KCNB2: variants seen among roughly 807,000 people sequenced by gnomAD.
KCNB2 encodes potassium voltage-gated channel subfamily B member 2.
Under a neutral mutation model 61.5 loss-of-function variants are expected in KCNB2, and 15 were observed. The observed-to-expected ratio is 0.24, with a 90% CI of 0.16 to 0.38. KCNB2 has a LOEUF of 0.38. KCNB2 is among the 10% of genes least tolerant of loss of function. KCNB2 has a pLI of 1.00. For synonymous variants in KCNB2, 457 were observed against 446.0 expected, an observed-to-expected ratio of 1.02 and a Z score of -0.31; for missense variants, 828 against 1,125.2, an observed-to-expected ratio of 0.74 and a Z score of 3.78.
chr8:72,741,262 TA>T (rs1326736551), intron 2 of KCNB2, among the ~76,000 whole-genome samples: 2 of 152,174 alleles, frequency 1.3e-5, no homozygotes, highest in Non-Finnish European at 2.9e-5. Flanking sequence ...ATGTTCCATG[TA>T]CCTTTGTACT....
chr8:72,700,935 A>T (rs1169755811), intron 2 of KCNB2, among the ~76,000 whole-genome samples: 1 of 152,222 alleles, frequency 6.6e-6, no homozygotes, highest in African/African-American at 2.4e-5. Flanking sequence ...TTGCAGCAAC[A>T]TATAGGTAGC....
chr8:72,819,065 T>C (rs1809449774), intron 2 of KCNB2, among the ~76,000 whole-genome samples: 1 of 152,168 alleles, frequency 6.6e-6, no homozygotes, highest in Admixed American at 6.5e-5. Context: ...CAGGCTGTGA[T>C]AGCAGGTAGG....
At chr8:72,672,368 ACAG>A (rs1196030642) in intron 2 of KCNB2, among the ~76,000 whole-genome samples, 1 of 152,156 alleles carries the variant, frequency 6.6e-6, no homozygotes, top group Non-Finnish European at 1.5e-5. Flanking sequence ...CATTTCCACT[ACAG>A]TTGCAGCAAA....
chr8:72,657,893 A>G (rs969078195), intron 2 of KCNB2, among the ~76,000 whole-genome samples: 1 of 152,178 alleles, frequency 6.6e-6, no homozygotes, highest in Non-Finnish European at 1.5e-5. Flanking sequence ...TCGCACCCAT[A>G]TAAGACAGAG....
At chr8:72,716,474 G>A (rs1157770943) in intron 2 of KCNB2, among the ~76,000 whole-genome samples, 1 of 152,160 alleles carries the variant, frequency 6.6e-6, no homozygotes, top group African/African-American at 2.4e-5. Flanking sequence ...ATGATCAAGT[G>A]GGCTTCATCC....
intron 2 of KCNB2, among the ~76,000 whole-genome samples, chr8:72,850,530 G>A (rs1217178126): frequency 2.6e-5 from 4 of 152,164 alleles, no homozygotes; most frequent in Admixed American, 1.3e-4. Context: ...CACCATTTAC[G>A]TTTAATAAAT....
chr8:72,821,553 T>G (rs775494592), intron 2 of KCNB2, among the ~76,000 whole-genome samples: 6 of 145,948 alleles, frequency 4.1e-5, no homozygotes, highest in Non-Finnish European at 7.4e-5. Flanking sequence ...AATATCATCA[T>G]AGAATTTGTT....
At chr8:72,631,197 C>T (rs1805875214) in intron 2 of KCNB2, among the ~76,000 whole-genome samples, 1 of 152,178 alleles carries the variant, frequency 6.6e-6, no homozygotes, top group South Asian at 2.1e-4. Context: ...GTAACTGAAA[C>T]CACAGCAAGT....
chr8:72,660,380 G>C (rs1806359105), intron 2 of KCNB2, among the ~76,000 whole-genome samples: 1 of 152,204 alleles, frequency 6.6e-6, no homozygotes, highest in Non-Finnish European at 1.5e-5. Flanking sequence ...CATCAGGGTG[G>C]CATCTGGTTC....
At chr8:72,597,811 G>A (rs770963399) in intron 2 of KCNB2, among the ~76,000 whole-genome samples, 11 of 152,088 alleles carry the variant, frequency 7.2e-5, no homozygotes, top group Non-Finnish European at 1.6e-4. Context: ...ACCCAAAAAT[G>A]CTAAAAAAGA....
At chr8:72,808,344 A>T (rs1227387076) in intron 2 of KCNB2, among the ~76,000 whole-genome samples, 1 of 152,246 alleles carries the variant, frequency 6.6e-6, no homozygotes, top group Non-Finnish European at 1.5e-5. Flanking sequence ...CTATTTCTAA[A>T]TAAAAGCTTT....
intron 2 of KCNB2, among the ~76,000 whole-genome samples, chr8:72,602,618 C>T (rs956034440): frequency 6.6e-6 from 1 of 152,068 alleles, no homozygotes; most frequent in Non-Finnish European, 1.5e-5. Context: ...AATGTAGTGG[C>T]TTCAGCAATA....
At chr8:72,660,167 G>A (rs1563551621) in intron 2 of KCNB2, among the ~76,000 whole-genome samples, 1 of 152,304 alleles carries the variant, frequency 6.6e-6, no homozygotes, top group East Asian at 1.9e-4. Context: ...AAAGCCTCTT[G>A]CTGTGGTTCT....
intron 2 of KCNB2, among the ~76,000 whole-genome samples, chr8:72,859,465 A>G (rs971965003): frequency 1.1e-4 from 17 of 151,866 alleles, no homozygotes; most frequent in Non-Finnish European, 2.4e-4. Flanking sequence ...ATTTTAGCAC[A>G]TTTTCTTTAC....
At chr8:72,927,217 G>A (rs1806669311) in intron 2 of KCNB2, among the ~76,000 whole-genome samples, 1 of 151,900 alleles carries the variant, frequency 6.6e-6, no homozygotes, top group African/African-American at 2.4e-5. Flanking sequence ...GTACCCTTCA[G>A]AATTTATCTA....
intron 2 of KCNB2, among the ~76,000 whole-genome samples, chr8:72,672,608 G>A (rs963548047): frequency 1.3e-5 from 2 of 151,852 alleles, no homozygotes; most frequent in African/African-American, 4.8e-5. Flanking sequence ...AGGTGTTTTT[G>A]ATGTCTTGAA....
Position 72,537,379 on chromosome 8 carries a change from CCCCGCG to C in KCNB2, c.-599_-594del, listed in dbSNP as rs1378728223. 6.6e-6 allele frequency: 1 copy of C among 151,876 alleles called. No individual in the cohort carries two copies. Among genetic ancestry groups the C allele is most frequent in the African/African-American group, 2.4e-5 (1 of 41,090 alleles). The allele number at this position is 151,876 out of a possible 1,614,324, so 9.4% of individuals were successfully genotyped here. On this transcript the variant is annotated 5_prime_UTR_variant, in exon 1 of 3. Coordinates refer to ENST00000523207, the MANE Select transcript of KCNB2 (RefSeq NM_004770.3). ...CCGCCCTCCGCCCTCCGCCCTCCGCCCCCGCGGCCGCCGCCGCCGCTGCGCCTCGGG... is the reference window on the plus strand; with the variant it reads ...CCGCCCTCCGCCCTCCGCCCTCCGCCGCCGCCGCCGCCGCTGCGCCTCGGG...
chr8:72,910,414 C>T (rs1806267341), intron 2 of KCNB2, among the ~76,000 whole-genome samples: 3 of 151,968 alleles, frequency 2.0e-5, no homozygotes, highest in Admixed American at 2.0e-4. Flanking sequence ...TACCAGGAAC[C>T]ACTGGAGGAA....
chr8:72,855,297 A>T (rs1379415792), intron 2 of KCNB2, among the ~76,000 whole-genome samples: 1 of 152,110 alleles, frequency 6.6e-6, no homozygotes, highest in Admixed American at 6.6e-5. Flanking sequence ...TCAAGACTGC[A>T]CTCTCTTCAC....
Sources: gnomAD v4.1 joint callset for allele counts (sites outside exome capture counted in the v4.1 genomes callset) on GRCh38, gnomAD v4.1.1 for gene constraint, MANE v1.5 for transcripts, NCBI Gene and HGNC (gene_info 2026-07-23, HGNC 2026-07-21) for gene names.